The following PSMB7 variants were observed in gnomAD, a reference collection of about 807,000 sequenced individuals.
PSMB7 encodes proteasome 20S subunit beta 7.
PSMB7 carries 5 observed loss-of-function variants against 28.1 expected under a neutral mutation model. The observed-to-expected ratio is 0.18, with a 90% CI of 0.09 to 0.37. The LOEUF is 0.37. Among genes scored for constraint, PSMB7 ranks in the 10% least tolerant of loss-of-function variants. PSMB7 has a pLI of 1.00. For missense variants in PSMB7, 275 were observed against 346.2 expected, an observed-to-expected ratio of 0.79 and a Z score of 1.63; for synonymous variants, 122 against 123.7, an observed-to-expected ratio of 0.99 and a Z score of 0.09.
At position 124,414,039 on chromosome 9, in the gene PSMB7, AAATAT is replaced by A. The variant is rs763789965; in HGVS notation, c.157-39_157-35del. 4.2e-6 allele frequency: 6 copies of A among 1,417,208 alleles called. No individual in the cohort carries two copies. The South Asian group carries it at 7.1e-5, about 17-fold the overall frequency. The allele number at this position is 1,417,208 out of a possible 1,614,324, so 87.8% of individuals were successfully genotyped here. A position where few individuals can be genotyped will look rare whatever the true frequency, so the allele number is the denominator to read the frequency against. The stretch of plus-strand genomic sequence containing the variant: ...AAAAAAAGTTTTTAAACAATTTTAC[AAATAT>A]AAGCCAACCGCAACTCTCTATTCTA... On this transcript the variant is annotated intron_variant, in intron 2 of 7. Coordinates refer to ENST00000259457, the MANE Select transcript of PSMB7 (RefSeq NM_002799.4).
chr9:124,370,514 T>TC (rs397690093), intron 6 of PSMB7, among the ~76,000 whole-genome samples: 1 of 150,262 alleles, frequency 6.7e-6, no homozygotes, highest in Non-Finnish European at 1.5e-5. Context: ...TTGCTGACTT[T>TC]CCCCCCTTGA....
intron 5 of PSMB7, 93 bp from the exon 6 acceptor site, chr9:124,384,749 G>C: frequency 9.1e-7 from 1 of 1,099,228 alleles, no homozygotes. Flanking sequence ...AGCAAAACAT[G>C]CCCAGTGTCT....
At chr9:124,400,222 G>C (rs764984086) in intron 5 of PSMB7, among the ~76,000 whole-genome samples, 11 of 152,204 alleles carry the variant, frequency 7.2e-5, no homozygotes, top group Non-Finnish European at 1.3e-4. Flanking sequence ...GGTAAGGGGT[G>C]CATTGCAAAT....
At chr9:124,382,373 A>AATTTTTTGT (rs1830676729) in intron 6 of PSMB7, among the ~76,000 whole-genome samples, 2 of 151,196 alleles carry the variant, frequency 1.3e-5, no homozygotes, top group African/African-American at 4.9e-5. Flanking sequence ...ACGTCCGGCT[A>AATTTTTTGT]ATTTTTTGTA....
intron 2 of PSMB7, 24 bp from the exon 3 acceptor site, chr9:124,414,029 A>T (rs1318199618): frequency 1.3e-5 from 20 of 1,512,836 alleles, no homozygotes; most frequent in Non-Finnish European, 1.7e-5. Flanking sequence ...AAGTTTTTAA[A>T]CAATTTTACA....
chr9:124,400,361 C>G (rs1228418173), intron 5 of PSMB7, among the ~76,000 whole-genome samples: 1 of 152,236 alleles, frequency 6.6e-6, no homozygotes, highest in Admixed American at 6.5e-5. Flanking sequence ...GGAGTATAAA[C>G]TCGTGCCAGC....
chr9:124,356,987 C>G lies in PSMB7; in HGVS notation c.571-72G>C. 6.4e-7 allele frequency: 1 copy of G among 1,565,150 alleles called. No homozygotes were observed. The highest frequency in any genetic ancestry group is 8.7e-7 in the Non-Finnish European group (1 of 1,143,574). ...CTGCTCTGACATCCGCAATGTACGT[C>G]CACTAGCAGTGCGCAAGACCTCCCG... On this transcript the variant is annotated intron_variant, in intron 6 of 7. Transcript: ENST00000259457. The surrounding 1 kb of genome is among the most constrained non-coding windows in gnomAD (Gnocchi z 4.4).
At chr9:124,386,836 AT>A (rs34764593) in intron 5 of PSMB7, among the ~76,000 whole-genome samples, 49,929 of 148,196 alleles carry the variant, frequency 0.34, 8,821 homozygotes, top group Non-Finnish European at 0.42. Context: ...TGCACAGTAA[AT>A]TTTTTTTTTT....
chr9:124,405,519 T>C, intron 4 of PSMB7, 87 bp from the exon 5 acceptor site: 2 of 868,220 alleles, frequency 2.3e-6, no homozygotes, highest in Non-Finnish European at 3.8e-6. Context: ...AGAAGTCAGG[T>C]AACAAAAAGT....
At chr9:124,362,822 G>A (rs1051494178) in intron 6 of PSMB7, among the ~76,000 whole-genome samples, 7 of 152,140 alleles carry the variant, frequency 4.6e-5, no homozygotes, top group Non-Finnish European at 8.8e-5. Flanking sequence ...TTTGCATATG[G>A]TAAGTATATA....
chr9:124,411,847 C>CAT (rs1831030294), intron 4 of PSMB7, among the ~76,000 whole-genome samples: 1 of 151,804 alleles, frequency 6.6e-6, no homozygotes, highest in Admixed American at 6.6e-5. Context: ...AGCGCTTTAG[C>CAT]ATAGGTCCTG....
intron 6 of PSMB7, among the ~76,000 whole-genome samples, chr9:124,358,985 C>T (rs1267625555): frequency 6.6e-6 from 1 of 152,196 alleles, no homozygotes; most frequent in African/African-American, 2.4e-5. Context: ...TCAATCCATT[C>T]GACTGGGCAC....
intron 6 of PSMB7, among the ~76,000 whole-genome samples, chr9:124,368,240 A>G (rs930176484): frequency 1.3e-5 from 2 of 152,258 alleles, no homozygotes; most frequent in Admixed American, 6.5e-5. Flanking sequence ...TCCACCCAAG[A>G]AAACAAAACC....
At chr9:124,415,258 G>T in intron 1 of PSMB7, 106 bp downstream of exon 1, 2 of 1,261,444 alleles carry the variant, frequency 1.6e-6, no homozygotes, top group Non-Finnish European at 1.1e-6. Context: ...CACAGGCCCC[G>T]CCATGAATTC....
chr9:124,399,374 C>T (rs1830875679), intron 5 of PSMB7, among the ~76,000 whole-genome samples: 1 of 152,148 alleles, frequency 6.6e-6, no homozygotes, highest in Non-Finnish European at 1.5e-5. Context: ...TCCTGGGATC[C>T]TGCTTCACTC....
Position 124,356,925 on chromosome 9 carries a change from A to G in PSMB7, c.571-10T>C. On this transcript the variant is annotated splice_polypyrimidine_tract_variant and intron_variant, in intron 6 of 7. Coordinates refer to ENST00000259457, the MANE Select transcript of PSMB7 (RefSeq NM_002799.4). This position sits in a 1 kb window ranked among gnomAD's most constrained non-coding sequence, Gnocchi z 4.4. ...TCTTGGCTTCCTCCTCCTGAGAAAC[A>G]GAACGGCGGCAATAATGTCCCCGGC... 1 of 1,614,084 alleles carries G rather than the reference A, an allele frequency of 6.2e-7. No individual in the cohort carries two copies. Among genetic ancestry groups the G allele is most frequent in the Non-Finnish European group, 8.5e-7 (1 of 1,179,934 alleles).
chr9:124,384,542 C>A, intron 6 of PSMB7, 56 bp downstream of exon 6: 3 of 1,511,980 alleles, frequency 2.0e-6, no homozygotes, highest in Non-Finnish European at 2.7e-6. Context: ...TGTAAATGTT[C>A]AAGATAAAAC....
intron 2 of PSMB7, among the ~76,000 whole-genome samples, chr9:124,414,424 G>A (rs1831064456): frequency 6.6e-6 from 1 of 152,106 alleles, no homozygotes; most frequent in Non-Finnish European, 1.5e-5. Flanking sequence ...AACAATTTAA[G>A]GCAGGAGTTA....
At chr9:124,357,518 G>A (rs1830421763) in intron 6 of PSMB7, among the ~76,000 whole-genome samples, 1 of 152,164 alleles carries the variant, frequency 6.6e-6, no homozygotes. Context: ...CAGACCAAGG[G>A]CGGGACCTCT....
Sources: gnomAD v4.1 joint callset for allele counts (sites outside exome capture counted in the v4.1 genomes callset) on GRCh38, gnomAD v4.1.1 for gene constraint, Gnocchi (gnomAD v3.1) non-coding constraint, MANE v1.5 for transcripts, NCBI Gene and HGNC (gene_info 2026-07-23, HGNC 2026-07-21) for gene names.